Variants in ATP2C1 observed in about 807,000 individuals in gnomAD.
The protein encoded by ATP2C1 is calcium-transporting ATPase type 2C member 1.
Under a neutral mutation model 120.5 loss-of-function variants are expected in ATP2C1, and 31 were observed. The ratio of observed to expected loss-of-function variants is 0.26; its 90% CI spans 0.19 to 0.35. ATP2C1 has a LOEUF of 0.35. ATP2C1 is among the 10% of genes least tolerant of loss of function. The pLI is 1.00. For missense variants in ATP2C1, 731 were observed against 1,107.5 expected, an observed-to-expected ratio of 0.66 and a Z score of 4.83; for synonymous variants, 351 against 358.7, an observed-to-expected ratio of 0.98 and a Z score of 0.24.
rs947640685 is a variant in ATP2C1, at chr3:130,894,631, G to A, written c.-139G>A. On this transcript the variant is annotated 5_prime_UTR_variant, in exon 2 of 28. Transcript: ENST00000510168. This position sits in a 1 kb window ranked among gnomAD's most constrained non-coding sequence, Gnocchi z 4.5. ...TGGTGGGAGCAGCCGTGGGACGCGT[G>A]GCCGGGAGCGGGGGTGACAGCCTGG... 140 of 1,597,798 alleles carry A rather than the reference G, an allele frequency of 8.8e-5. No individual in the cohort carries two copies. Among genetic ancestry groups the A allele is most frequent in the Non-Finnish European group, 1.2e-4 (136 of 1,170,852 alleles).
At chr3:130,914,087 CTAT>C (rs2058572272) in intron 2 of ATP2C1, among the ~76,000 whole-genome samples, 1 of 152,108 alleles carries the variant, frequency 6.6e-6, no homozygotes, top group Non-Finnish European at 1.5e-5. Context: ...ACTCTTCTTC[CTAT>C]TATGTTTCCT....
intron 12 of ATP2C1, among the ~76,000 whole-genome samples, chr3:130,960,278 C>A (rs933887025): frequency 2.0e-5 from 3 of 152,194 alleles, no homozygotes; most frequent in African/African-American, 7.2e-5. Flanking sequence ...AGCAGGGTAA[C>A]TTCAGGCAGC....
chr3:130,872,702 A>C (rs1053537991), intron 1 of ATP2C1, among the ~76,000 whole-genome samples: 8 of 151,714 alleles, frequency 5.3e-5, no homozygotes, highest in Middle Eastern at 3.2e-3. Flanking sequence ...CTCCTGCCTT[A>C]GCCTCCCGAG....
intron 8 of ATP2C1, among the ~76,000 whole-genome samples, chr3:130,945,743 A>G (rs2060124405): frequency 6.6e-6 from 1 of 151,866 alleles, no homozygotes; most frequent in African/African-American, 2.4e-5. Flanking sequence ...TATGTGCCAC[A>G]TTTTCTTAAT....
chr3:130,871,668 G>A (rs190473238), intron 1 of ATP2C1, among the ~76,000 whole-genome samples: 164 of 152,334 alleles, frequency 1.1e-3, no homozygotes, highest in Middle Eastern at 0.01. Flanking sequence ...AGTTTCACAG[G>A]TTCTTAATTG....
intron 19 of ATP2C1, 136 bp downstream of exon 19, chr3:130,979,555 C>A: frequency 1.0e-6 from 1 of 1,002,076 alleles, no homozygotes; most frequent in Non-Finnish European, 1.5e-6. Flanking sequence ...CATGGTTTTG[C>A]TCATGGTCTA....
intron 16 of ATP2C1, among the ~76,000 whole-genome samples, chr3:130,967,883 T>C (rs946317780): frequency 1.3e-5 from 2 of 152,228 alleles, no homozygotes; most frequent in Admixed American, 6.5e-5. Flanking sequence ...TGTGAAGTTA[T>C]AATTTGTTTT....
In ATP2C1 at chr3:130,895,000, T is replaced by C. The variant is rs112645867; in HGVS notation, c.6+225T>C. Among the ~76,000 whole-genome samples the C allele has an allele frequency of 3.9e-5, 6 of 152,190 alleles. No individual in the cohort carries two copies. Among genetic ancestry groups the C allele is most frequent in the African/African-American group, 1.4e-4 (6 of 41,446 alleles). On this transcript the variant is annotated intron_variant, in intron 2 of 27. Transcript: ENST00000510168. The surrounding 1 kb of genome is among the most constrained non-coding windows in gnomAD (Gnocchi z 4.5). Reference sequence around the variant, plus strand: ...TGGGTGACTGAGCTTGATTCAGCTTTCTTGAGGAATTCCTGCTCTCTTCAG... The same window carrying C: ...TGGGTGACTGAGCTTGATTCAGCTTCCTTGAGGAATTCCTGCTCTCTTCAG...
chr3:130,919,643 T>A (rs2058861481), intron 2 of ATP2C1, among the ~76,000 whole-genome samples: 1 of 152,232 alleles, frequency 6.6e-6, no homozygotes, highest in Non-Finnish European at 1.5e-5. Context: ...TGAATAGTGT[T>A]GTGGTGAACA....
chr3:130,863,969 G>T (rs1258220536), intron 1 of ATP2C1, among the ~76,000 whole-genome samples: 1 of 152,228 alleles, frequency 6.6e-6, no homozygotes, highest in Non-Finnish European at 1.5e-5. Context: ...GTAGAGTGGG[G>T]TGTTGCTGAA....
At chr3:130,974,985 G>T (rs187103378) in intron 17 of ATP2C1, among the ~76,000 whole-genome samples, 4 of 152,144 alleles carry the variant, frequency 2.6e-5, no homozygotes, top group Non-Finnish European at 4.4e-5. Flanking sequence ...AGATATAGAC[G>T]TATATAGTAG....
At chr3:130,993,883 C>A (rs1231817415) in intron 21 of ATP2C1, 49 bp from the exon 22 acceptor site, 1 of 1,601,238 alleles carries the variant, frequency 6.2e-7, no homozygotes, top group Non-Finnish European at 8.6e-7. Context: ...ATGGAAGCAA[C>A]ATTTTTATCA....
At chr3:130,958,916 T>C (rs969311271) in intron 11 of ATP2C1, among the ~76,000 whole-genome samples, 1 of 152,212 alleles carries the variant, frequency 6.6e-6, no homozygotes, top group Non-Finnish European at 1.5e-5. Flanking sequence ...ACCTATATGT[T>C]TGCTGCCACC....
At chr3:130,993,097 G>A (rs993689604) in intron 21 of ATP2C1, 96 bp downstream of exon 21, 9 of 1,082,816 alleles carry the variant, frequency 8.3e-6, no homozygotes, top group Non-Finnish European at 1.3e-5. Context: ...GAGCATCAAG[G>A]TCAGAAATAC....
At chr3:130,969,987 T>C (rs2061225140) in intron 17 of ATP2C1, among the ~76,000 whole-genome samples, 1 of 152,224 alleles carries the variant, frequency 6.6e-6, no homozygotes, top group South Asian at 2.1e-4. Context: ...TCATAGTTGC[T>C]ATTACCAGCT....
At position 130,894,176 on chromosome 3, in the gene ATP2C1, C is replaced by T; in HGVS notation, c.-342C>T. ...CCCTCCCCGCCCGCCCTCTCTCCCT[C>T]CCTTCCTCCCTCCCGCTCGCTTCTT... On this transcript the variant is annotated 5_prime_UTR_variant, in exon 1 of 28. Coordinates refer to ENST00000510168, the MANE Select transcript of ATP2C1 (RefSeq NM_001378687.1). This position sits in a 1 kb window ranked among gnomAD's most constrained non-coding sequence, Gnocchi z 4.5. 1 of 909,880 alleles carries T rather than the reference C, an allele frequency of 1.1e-6. No homozygotes were observed. Among genetic ancestry groups the T allele is most frequent in the Non-Finnish European group, 1.3e-6 (1 of 761,438 alleles). 56.4% of individuals were successfully genotyped at this position (909,880 alleles called of 1,614,324 possible).
intron 14 of ATP2C1, among the ~76,000 whole-genome samples, chr3:130,965,813 AG>A (rs34448980): frequency 6.6e-6 from 1 of 152,046 alleles, no homozygotes; most frequent in Non-Finnish European, 1.5e-5. Flanking sequence ...TCCTTATCTT[AG>A]GTAAAATTTT....
chr3:130,967,574 T>G (rs1477722558), intron 16 of ATP2C1, among the ~76,000 whole-genome samples, 155 bp downstream of exon 16: 1 of 152,172 alleles, frequency 6.6e-6, no homozygotes, highest in Non-Finnish European at 1.5e-5. Flanking sequence ...ATCAGTTTTA[T>G]TCCTATAAAT....
chr3:130,910,981 T>A (rs2108110643), intron 2 of ATP2C1, among the ~76,000 whole-genome samples: 1 of 147,622 alleles, frequency 6.8e-6, no homozygotes, highest in African/African-American at 2.5e-5. Context: ...TTAGGGAGGA[T>A]TCCCTCTTTT....
Sources: allele counts gnomAD v4.1 joint callset (sites outside exome capture counted in the v4.1 genomes callset), GRCh38; gene constraint gnomAD v4.1.1; non-coding constraint Gnocchi (gnomAD v3.1); transcripts MANE v1.5; gene names NCBI Gene and HGNC (gene_info 2026-07-23, HGNC 2026-07-21).